The following SLC52A2 variants were observed in gnomAD, a reference collection of about 807,000 sequenced individuals.
SLC52A2 encodes solute carrier family 52, riboflavin transporter, member 2.
SLC52A2 carries 16 observed loss-of-function variants against 24.8 expected under a neutral mutation model. That is an observed-to-expected ratio of 0.64 (90% CI 0.44 to 0.98). SLC52A2 has a LOEUF of 0.98. SLC52A2 is among the 50% of genes least tolerant of loss of function. SLC52A2 has a pLI of 0.00. For missense variants in SLC52A2, 612 were observed against 575.9 expected (o/e 1.06, Z -0.64); for synonymous variants, 335 against 276.3 (o/e 1.21, Z -2.11).
chr8:144,359,750 G>A lies in SLC52A2; in HGVS notation c.258G>A (p.Val86=). ...AGGTCCCCATCCGGGTGGTGCAGGT[G>A]CTGGGCATGGTGGGCACAGCCCTGC... ...DEQVPIRVVQ[V]LGMVGTALLA... Residue 86 remains valine, a synonymous_variant, in exon 3 of 5, where the codon GTG becomes GTA. Transcript: ENST00000643944. The A allele has an allele frequency of 6.2e-7, 1 of 1,613,648 alleles. No individual in the cohort carries two copies. The highest frequency in any genetic ancestry group is 8.5e-7 in the Non-Finnish European group (1 of 1,180,018).
chr8:144,360,339 T>A lies in SLC52A2; in HGVS notation c.847T>A (p.Leu283Met). The A allele has an allele frequency of 1.2e-6, 2 of 1,609,164 alleles. No individual in the cohort carries two copies. Among genetic ancestry groups the A allele is most frequent in the Middle Eastern group, 1.6e-4 (1 of 6,062 alleles). ...CCGCAGTGCCTGCCTGCTGGGCCTG[T>A]TGGCCGCCACCAACGCGCTGACCAA... The part of the protein sequence containing the change: ...SARSACLLGL[L>M]AATNALTNGV... The change falls in exon 3 of 5, where the codon TTG (leucine) becomes ATG (methionine). Residue 283 changes from leucine (L) to methionine (M), a missense_variant. Coordinates refer to ENST00000643944, the MANE Select transcript of SLC52A2 (RefSeq NM_001363118.2).
chr8:144,360,772 TCA>T lies in SLC52A2; in HGVS notation c.1126-29_1126-28del, dbSNP rs781935937. ...GGCGTTGCCCTGGAGCAGGCACATCTCACGCTCAGCTGGTGCTGTGTCCCCCT... is the reference window on the plus strand; with the variant it reads ...GGCGTTGCCCTGGAGCAGGCACATCTCGCTCAGCTGGTGCTGTGTCCCCCT... On this transcript the variant is annotated intron_variant, in intron 4 of 4. Coordinates refer to ENST00000643944, the MANE Select transcript of SLC52A2 (RefSeq NM_001363118.2). The T allele has an allele frequency of 1.7e-5, 28 of 1,608,564 alleles. 1 individual carries two copies. In the South Asian group the frequency reaches 3.1e-4, roughly 18 times the overall value.
Position 144,361,119 on chromosome 8 carries a change from C to A in SLC52A2, c.*104C>A. The A allele has an allele frequency of 8.6e-7, 1 of 1,162,212 alleles. No individual in the cohort carries two copies. The highest frequency in any genetic ancestry group is 1.3e-6 in the Non-Finnish European group (1 of 799,362). The allele number at this position is 1,162,212 out of a possible 1,614,324, so 72.0% of individuals were successfully genotyped here. A position where few individuals can be genotyped will look rare whatever the true frequency, so the allele number is the denominator to read the frequency against. On this transcript the variant is annotated 3_prime_UTR_variant, in exon 5 of 5. Coordinates refer to ENST00000643944, the MANE Select transcript of SLC52A2 (RefSeq NM_001363118.2). ...CAGGAGGCCCGCACACCGGTACACT[C>A]GTGGACACCTACACACTCCATAGGA...
Position 144,359,084 on chromosome 8 carries a change from T to C in SLC52A2, c.-111+19T>C, listed in dbSNP as rs1279103007. ...CCGCTGGGTACGTTTTAGCCAATCC[T>C]CCCCATCTGCGCTCCTGCCCGGGGC... On this transcript the variant is annotated intron_variant, in intron 1 of 4. Transcript: ENST00000643944. 65 of 689,686 alleles carry C rather than the reference T, an allele frequency of 9.4e-5. No homozygotes were observed. The highest frequency in any genetic ancestry group is 2.5e-5 in the Non-Finnish European group (11 of 447,514). 42.7% of individuals were successfully genotyped at this position (689,686 alleles called of 1,614,324 possible).
In SLC52A2 at chr8:144,359,314, C is replaced by T. The variant is rs1423044984; in HGVS notation, c.21C>T (p.Ala7=). MAAPTP[A]RPVLTHLLVA... ...GCTGAATGGCAGCACCCACGCCCGC[C>T]CGTCCGGTGCTGACCCACCTGCTGG... The change falls in exon 2 of 5, where the codon GCC becomes GCT. Residue 7 remains alanine (A), a synonymous_variant. Transcript: ENST00000643944. 1 of 1,613,410 alleles carries T rather than the reference C, an allele frequency of 6.2e-7. No homozygotes were observed. Among genetic ancestry groups the T allele is most frequent in the Non-Finnish European group, 8.5e-7 (1 of 1,179,832 alleles).
In SLC52A2 at chr8:144,360,107, C is replaced by T. The variant is rs549377529; in HGVS notation, c.615C>T (p.Val205=). The T allele has an allele frequency of 7.4e-6, 12 of 1,612,952 alleles. No homozygotes were observed. In the African/African-American group the frequency reaches 8.0e-5, roughly 11 times the overall value. The part of the protein sequence containing the change: ...TFFWALTALL[V]ASAAAFQGLL... ...TCTGGGCACTGACTGCCCTTCTGGT[C>T]GCTTCAGCTGCTGCCTTCCAGGGTC... Residue 205 remains valine, a synonymous_variant, in exon 3 of 5, where the codon GTC becomes GTT. Transcript: ENST00000643944.
At position 144,360,793 on chromosome 8, in the gene SLC52A2, TC is replaced by T. The variant is rs1818832501; in HGVS notation, c.1126-5del. 7 of 1,611,290 alleles carry T rather than the reference TC, an allele frequency of 4.3e-6. No individual in the cohort carries two copies. In the East Asian group the frequency reaches 1.6e-4, roughly 36 times the overall value. The stretch of plus-strand genomic sequence containing the variant: ...CATCTCACGCTCAGCTGGTGCTGTG[TC>T]CCCCTCAGGTGCTGTCGTGGGTGCT... On this transcript the variant is annotated splice_polypyrimidine_tract_variant and intron_variant, in intron 4 of 4. Transcript: ENST00000643944.
chr8:144,360,242 G>A lies in SLC52A2; in HGVS notation c.750G>A (p.Leu250=), dbSNP rs1357414284. ...AEEEVEESSP[L]QEPPSQAAGT... Reference sequence around the variant, plus strand: ...AAGAGGTGGAAGAGTCCTCACCACTGCAAGAGCCACCAAGCCAGGCAGCAG... The same window carrying A: ...AAGAGGTGGAAGAGTCCTCACCACTACAAGAGCCACCAAGCCAGGCAGCAG... Residue 250 remains leucine (L), a synonymous_variant, in exon 3 of 5, where the codon CTG becomes CTA. Coordinates refer to ENST00000643944, the MANE Select transcript of SLC52A2 (RefSeq NM_001363118.2). 2 of 1,612,574 alleles carry A rather than the reference G, an allele frequency of 1.2e-6. No individual in the cohort carries two copies. Among genetic ancestry groups the A allele is most frequent in the Non-Finnish European group, 8.5e-7 (1 of 1,180,016 alleles).
Position 144,359,690 on chromosome 8 carries a change from C to T in SLC52A2, c.198C>T (p.Thr66=), listed in dbSNP as rs782249337. 7.4e-6 allele frequency: 12 copies of T among 1,613,622 alleles called. No homozygotes were observed. In the East Asian group the frequency reaches 2.7e-4, roughly 36 times the overall value. The part of the protein sequence containing the change: ...ALGNLGLLVV[T]LWRRLAPGKD... ...GGAACCTGGGTCTGCTGGTGGTGACCCTCTGGAGGAGGCTGGCCCCAGGAA... is the reference window on the plus strand; with the variant it reads ...GGAACCTGGGTCTGCTGGTGGTGACTCTCTGGAGGAGGCTGGCCCCAGGAA... The change falls in exon 3 of 5, where the codon ACC becomes ACT. Residue 66 remains threonine, a synonymous_variant. Transcript: ENST00000643944.
rs1818652877 is a variant in SLC52A2 at position 144,359,239 on chromosome 8, A to G, written c.-55A>G. On this transcript the variant is annotated 5_prime_UTR_variant, in exon 2 of 5. Transcript: ENST00000643944. ...CAAAGCGTGTCTGGCCCTAGGTGGG[A>G]AAAGAACTGGCTGTGACCTTTGCCC... 1.4e-5 allele frequency: 21 copies of G among 1,554,238 alleles called. No individual in the cohort carries two copies. In the East Asian group the frequency reaches 4.3e-4, roughly 32 times the overall value.
Position 144,358,832 on chromosome 8 carries a change from C to G in SLC52A2, c.-344C>G, listed in dbSNP as rs1244824108. ...CGAGCAGAGCCGTCCCGGCCACTCC[C>G]CTGGGATCTGACTTGGCTCTTGCGG... is the stretch of plus-strand genomic sequence containing the variant. On this transcript the variant is annotated 5_prime_UTR_variant, in exon 1 of 5. Coordinates refer to ENST00000643944, the MANE Select transcript of SLC52A2 (RefSeq NM_001363118.2). 1.3e-5 allele frequency: 3 copies of G among 226,600 alleles called. No homozygotes were observed. The highest frequency in any genetic ancestry group is 6.8e-5 in the African/African-American group (3 of 44,056). The allele number at this position is 226,600 out of a possible 1,614,324, so 14.0% of individuals were successfully genotyped here.
rs1554854698 is a variant in SLC52A2, at chr8:144,361,093, C to G, written c.*78C>G. 9.2e-6 allele frequency: 13 copies of G among 1,416,362 alleles called. No homozygotes were observed. 87.7% of individuals were successfully genotyped at this position (1,416,362 alleles called of 1,614,324 possible). A position where few individuals can be genotyped will look rare whatever the true frequency, so the allele number is the denominator to read the frequency against. ...GCCACCATGCCTGAGTGCCTGCAGC[C>G]CAGGAGGCCCGCACACCGGTACACT... On this transcript the variant is annotated 3_prime_UTR_variant, in exon 5 of 5. Coordinates refer to ENST00000643944, the MANE Select transcript of SLC52A2 (RefSeq NM_001363118.2).
At chr8:144,358,585 C>T (rs113099131), upstream of SLC52A2, 2 of 1,134,586 alleles carry the variant, frequency 1.8e-6, no homozygotes, top group Middle Eastern at 3.3e-4. Context: ...TGGGCCATGC[C>T]GGGGGCGGGC....
intron 3 of SLC52A2, 44 bp downstream of exon 3, chr8:144,360,537 T>C (rs373647085): frequency 1.3e-6 from 2 of 1,583,180 alleles, no homozygotes; most frequent in African/African-American, 2.7e-5. Context: ...AACTCAGGGC[T>C]AGGAGCCAGG....
chr8:144,360,226 A>C lies in SLC52A2; in HGVS notation c.734A>C (p.Glu245Ala). 1 of 1,612,676 alleles carries C rather than the reference A, an allele frequency of 6.2e-7. No individual in the cohort carries two copies. Among genetic ancestry groups the C allele is most frequent in the Non-Finnish European group, 8.5e-7 (1 of 1,180,004 alleles). The change falls in exon 3 of 5, where the codon GAA (glutamate) becomes GCA (alanine). Residue 245 changes from glutamate to alanine, a missense_variant. Transcript: ENST00000643944. ...VGAPGAEEEV[E>A]ESSPLQEPPS... ...GCCCCAGGAGCAGAGGAAGAGGTGG[A>C]AGAGTCCTCACCACTGCAAGAGCCA... is the stretch of plus-strand genomic sequence containing the variant.
At position 144,358,621 on chromosome 8, in the gene SLC52A2, T is replaced by C. The variant is rs962609844; in HGVS notation, c.-555T>C. ...CCGGAACCGCCACGGGTGAGTCGGG[T>C]CGTGGCTGCTGCCGGGTCCTGCGCG... On this transcript the variant is annotated 5_prime_UTR_variant, in exon 1 of 5. Coordinates refer to ENST00000643944, the MANE Select transcript of SLC52A2 (RefSeq NM_001363118.2). 2.4e-4 allele frequency: 185 copies of C among 755,564 alleles called. No homozygotes were observed. Among genetic ancestry groups the C allele is most frequent in the Non-Finnish European group, 3.1e-4 (170 of 556,122 alleles). 46.8% of individuals were successfully genotyped at this position (755,564 alleles called of 1,614,324 possible).
In SLC52A2 at chr8:144,360,061, G is replaced by A. The variant is rs753003655; in HGVS notation, c.569G>A (p.Arg190His). Residue 190 changes from arginine to histidine, a missense_variant, in exon 3 of 5, where the codon CGT (arginine) becomes CAT (histidine). Transcript: ENST00000643944. ...TPGPPLDFLE[R>H]FPASTFFWAL... Reference sequence around the variant, plus strand: ...GGCCCCCCGCTCGACTTCCTTGAGCGTTTTCCCGCCAGCACCTTCTTCTGG... The same window carrying A: ...GGCCCCCCGCTCGACTTCCTTGAGCATTTTCCCGCCAGCACCTTCTTCTGG... The A allele has an allele frequency of 1.5e-5, 24 of 1,612,782 alleles. No homozygotes were observed. Among genetic ancestry groups the A allele is most frequent in the East Asian group, 4.5e-5 (2 of 44,888 alleles).
Position 144,358,618 on chromosome 8 carries a change from G to A in SLC52A2, c.-558G>A. 2.5e-6 allele frequency: 2 copies of A among 802,108 alleles called. No homozygotes were observed. Among genetic ancestry groups the A allele is most frequent in the Non-Finnish European group, 3.3e-6 (2 of 598,322 alleles). 49.7% of individuals were successfully genotyped at this position (802,108 alleles called of 1,614,324 possible). A position where few individuals can be genotyped will look rare whatever the true frequency, so the allele number is the denominator to read the frequency against. On this transcript the variant is annotated 5_prime_UTR_variant, in exon 1 of 5. Coordinates refer to ENST00000643944, the MANE Select transcript of SLC52A2 (RefSeq NM_001363118.2). Reference sequence around the variant, plus strand: ...GGCCCGGAACCGCCACGGGTGAGTCGGGTCGTGGCTGCTGCCGGGTCCTGC... The same window carrying A: ...GGCCCGGAACCGCCACGGGTGAGTCAGGTCGTGGCTGCTGCCGGGTCCTGC...
chr8:144,359,190 G>A lies in SLC52A2; in HGVS notation c.-104G>A, dbSNP rs1321064425. 16 of 1,489,048 alleles carry A rather than the reference G, an allele frequency of 1.1e-5. No individual in the cohort carries two copies. In the Admixed American group the frequency reaches 1.1e-4, roughly 10 times the overall value. 92.2% of individuals were successfully genotyped at this position (1,489,048 alleles called of 1,614,324 possible). On this transcript the variant is annotated 5_prime_UTR_variant, in exon 2 of 5. Transcript: ENST00000643944. ...TTTCTCTGTTTCTTTCAAGCTAGAA[G>A]AAGTCTTCACTTCCCAGGAGAGCCA...
Sources: allele counts gnomAD v4.1 joint callset, GRCh38; gene constraint gnomAD v4.1.1; transcripts MANE v1.5; gene names NCBI Gene and HGNC (gene_info 2026-07-23, HGNC 2026-07-21).